MSTO1: variants seen among roughly 807,000 people sequenced by gnomAD.
MSTO1 encodes misato mitochondrial distribution and morphology regulator 1, also known as protein misato homolog 1.
MSTO1 carries 24 observed loss-of-function variants against 55.7 expected under a neutral mutation model. The ratio of observed to expected loss-of-function variants is 0.43; its 90% CI spans 0.31 to 0.61. The LOEUF (loss-of-function observed/expected upper bound fraction) is 0.61. Ranked by LOEUF, MSTO1 falls within the 20% of genes least tolerant of loss-of-function variation. The probability of loss-of-function intolerance (pLI) is 0.09; values close to 1 mark genes in which losing one functional copy is unlikely to be tolerated. For synonymous variants in MSTO1, 162 were observed against 252.8 expected (o/e 0.64, Z 3.41); for missense variants, 363 against 625.7 (o/e 0.58, Z 4.48).
chr1:155,609,660 G>A (rs1317126644), upstream of MSTO1: 1 of 153,022 alleles, frequency 6.5e-6, no homozygotes, highest in African/African-American at 2.4e-5. Flanking sequence ...AAACCATATT[G>A]AGCAAAAGAC....
upstream of MSTO1, among the ~76,000 whole-genome samples, chr1:155,608,704 G>C (rs999798970): frequency 1.3e-5 from 2 of 151,260 alleles, no homozygotes; most frequent in Admixed American, 1.3e-4. Flanking sequence ...GGGTTTCACC[G>C]TGTTAGCCAG....
chr1:155,567,375 G>A, the MSTO1 span, among the ~76,000 whole-genome samples: 5 of 149,978 alleles, frequency 3.3e-5, no homozygotes, highest in African/African-American at 9.8e-5. Context: ...GCTGTGGCGC[G>A]ATCTCCGCTC....
the MSTO1 span, among the ~76,000 whole-genome samples, chr1:155,583,999 C>G: frequency 6.6e-6 from 1 of 152,214 alleles, no homozygotes; most frequent in Non-Finnish European, 1.5e-5. Flanking sequence ...CCACTATAGA[C>G]TCTGTGTAGT....
At position 155,612,245 on chromosome 1, in the gene MSTO1, C is replaced by A; in HGVS notation, c.742C>A (p.Leu248Met). ...TGGGGTAGGCGCGAAGGCGGCAGAGCTGCTACAAGATGAATATTCAGGGCG... is the reference window on the plus strand; with the variant it reads ...TGGGGTAGGCGCGAAGGCGGCAGAGATGCTACAAGATGAATATTCAGGGCG... ...FSGVGAKAAELLQDEYSGRGI... is the reference protein window; with the variant it reads ...FSGVGAKAAEMLQDEYSGRGI... Residue 248 changes from leucine to methionine, a missense_variant, in exon 8 of 14, where the codon CTG (leucine) becomes ATG (methionine). By Grantham distance (15) the Leu-to-Met change is conservative. Transcript: ENST00000245564. 2 of 1,594,408 alleles carry A rather than the reference C, an allele frequency of 1.3e-6. No homozygotes were observed. The highest frequency in any genetic ancestry group is 1.7e-6 in the Non-Finnish European group (2 of 1,170,234).
chr1:155,603,882 C>G, the MSTO1 span, among the ~76,000 whole-genome samples: 1 of 151,976 alleles, frequency 6.6e-6, no homozygotes, highest in African/African-American at 2.4e-5. Context: ...AATTAAATCT[C>G]AAAACAACAA....
At chr1:155,568,787 A>C in the MSTO1 span, among the ~76,000 whole-genome samples, 1 of 151,858 alleles carries the variant, frequency 6.6e-6, no homozygotes, top group Non-Finnish European at 1.5e-5. Flanking sequence ...TGGGAACAAA[A>C]ATGTTTTGAA....
the MSTO1 span, among the ~76,000 whole-genome samples, chr1:155,576,693 G>T: frequency 6.6e-6 from 1 of 151,254 alleles, no homozygotes; most frequent in African/African-American, 2.4e-5. Flanking sequence ...ACACGATAAT[G>T]AAGATTTACT....
At position 155,612,500 on chromosome 1, in the gene MSTO1, C is replaced by T; in HGVS notation, c.896C>T (p.Pro299Leu). 1.9e-6 allele frequency: 3 copies of T among 1,614,016 alleles called. No homozygotes were observed. The highest frequency in any genetic ancestry group is 2.5e-6 in the Non-Finnish European group (3 of 1,180,008). ...ACTGCTCACAGCTCTCTTGTCTGCCCCTTGTCCTTGGGTGGGAGCCTGGGC... is the reference window on the plus strand; with the variant it reads ...ACTGCTCACAGCTCTCTTGTCTGCCTCTTGTCCTTGGGTGGGAGCCTGGGC... ...HLTAHSSLVCPLSLGGSLGLR... is the reference protein window; with the variant it reads ...HLTAHSSLVCLLSLGGSLGLR... The change falls in exon 9 of 14, where the codon CCC (proline) becomes CTC (leucine). Residue 299 changes from proline to leucine, a missense_variant. By Grantham distance (98) the Pro-to-Leu change is moderately conservative (BLOSUM62 -3). Coordinates refer to ENST00000245564, the MANE Select transcript of MSTO1 (RefSeq NM_018116.4).
chr1:155,583,950 A>T, the MSTO1 span, among the ~76,000 whole-genome samples: 1 of 152,216 alleles, frequency 6.6e-6, no homozygotes, highest in Non-Finnish European at 1.5e-5. Flanking sequence ...ACAAGTAAAA[A>T]GGCAGGCAGG....
chr1:155,606,659 C>G (rs940742857), upstream of MSTO1, among the ~76,000 whole-genome samples: 3 of 151,880 alleles, frequency 2.0e-5, no homozygotes, highest in South Asian at 4.1e-4. Context: ...TCCCAAAGTG[C>G]TGGGATTACA....
upstream of MSTO1, chr1:155,610,102 G>C (rs1673490997): frequency 3.9e-6 from 3 of 762,262 alleles, no homozygotes; most frequent in Non-Finnish European, 6.2e-6. Flanking sequence ...GGAAGGGATC[G>C]GCGCATCGTT....
the MSTO1 span, among the ~76,000 whole-genome samples, chr1:155,582,937 G>A: frequency 6.6e-5 from 10 of 151,272 alleles, no homozygotes; most frequent in African/African-American, 2.2e-4. Context: ...GAGTGCGCTG[G>A]TCACTGCAGC....
chr1:155,566,541 A>G, the MSTO1 span, among the ~76,000 whole-genome samples: 1 of 152,054 alleles, frequency 6.6e-6, no homozygotes, highest in African/African-American at 2.4e-5. Context: ...AGCCATGATC[A>G]CACACCACTG....
chr1:155,589,212 C>T, the MSTO1 span, among the ~76,000 whole-genome samples: 1 of 151,846 alleles, frequency 6.6e-6, no homozygotes, highest in African/African-American at 2.4e-5. Flanking sequence ...GTAAGAGAAT[C>T]GCTTGAACCC....
At chr1:155,563,434 G>A in the MSTO1 span, 1 of 456,546 alleles carries the variant, frequency 2.2e-6, no homozygotes, top group Non-Finnish European at 4.4e-6. Context: ...GCGCGCCTCC[G>A]GGGGGATTCC....
At chr1:155,585,962 G>GTAA in the MSTO1 span, among the ~76,000 whole-genome samples, 6,028 of 152,140 alleles carry the variant, frequency 0.04, 394 homozygotes, top group African/African-American at 0.14. Flanking sequence ...TATGCTAGAT[G>GTAA]TAGTGTTCAC....
intron 8 of MSTO1, 37 bp from the exon 9 acceptor site, chr1:155,612,381 G>C: frequency 6.3e-7 from 1 of 1,588,812 alleles, no homozygotes; most frequent in Non-Finnish European, 8.6e-7. Flanking sequence ...ATCCCAGTGG[G>C]AGAGCTGCTT....
chr1:155,570,032 G>T, the MSTO1 span, among the ~76,000 whole-genome samples: 3 of 152,250 alleles, frequency 2.0e-5, no homozygotes, highest in South Asian at 6.2e-4. Flanking sequence ...ATACCCAATT[G>T]TGTTGGTATT....
the MSTO1 span, among the ~76,000 whole-genome samples, chr1:155,593,425 G>A: frequency 1.3e-5 from 2 of 152,156 alleles, no homozygotes; most frequent in African/African-American, 4.8e-5. Flanking sequence ...CTAAAAAATA[G>A]ATATTTTAAA....
Sources: gnomAD v4.1 joint callset for allele counts (sites outside exome capture counted in the v4.1 genomes callset) on GRCh38, gnomAD v4.1.1 for gene constraint, MANE v1.5 for transcripts, NCBI Gene and HGNC (gene_info 2026-07-23, HGNC 2026-07-21) for gene names.